NELL1: variants seen among roughly 807,000 people sequenced by gnomAD.
The protein encoded by NELL1 is neural EGFL like 1, also known as protein kinase C-binding protein NELL1.
Under a neutral mutation model 107.4 loss-of-function variants are expected in NELL1, and 76 were observed. The ratio of observed to expected loss-of-function variants is 0.71; its 90% confidence interval spans 0.59 to 0.86. NELL1 has a LOEUF of 0.86. NELL1 is among the 40% of genes least tolerant of loss of function. The pLI, the probability that NELL1 is intolerant of heterozygous loss-of-function variation, is 0.00. For synonymous variants in NELL1, 353 were observed against 341.2 expected (o/e 1.03, Z -0.38); for missense variants, 1,024 against 1,005.5 (o/e 1.02, Z -0.25).
chr11:20,686,091 A>C (rs577169223), intron 2 of NELL1, among the ~76,000 whole-genome samples: 10 of 152,230 alleles, frequency 6.6e-5, no homozygotes, highest in Middle Eastern at 6.8e-3. Context: ...TAAAAAAAAA[A>C]CAGTTCATTA....
intron 12 of NELL1, among the ~76,000 whole-genome samples, chr11:21,088,653 C>G (rs1418153510): frequency 6.6e-6 from 1 of 152,084 alleles, no homozygotes; most frequent in African/African-American, 2.4e-5. Context: ...TTTTTTTTAG[C>G]TGCGAAGTGA....
At chr11:21,456,113 G>A (rs562054850) in intron 15 of NELL1, among the ~76,000 whole-genome samples, 13 of 152,050 alleles carry the variant, frequency 8.5e-5, no homozygotes, top group East Asian at 7.7e-4. Context: ...GTCTGGTCTC[G>A]AACTCCTGGC....
chr11:20,947,750 TATA>T (rs1437142871), intron 11 of NELL1, among the ~76,000 whole-genome samples: 3 of 152,174 alleles, frequency 2.0e-5, no homozygotes, highest in Non-Finnish European at 4.4e-5. Context: ...TGTTAGTTCT[TATA>T]ATAATAACCA....
chr11:20,925,375 G>T (rs1850471824), intron 7 of NELL1, among the ~76,000 whole-genome samples: 1 of 151,776 alleles, frequency 6.6e-6, no homozygotes, highest in Admixed American at 6.6e-5. Flanking sequence ...CTGCCTCCCA[G>T]GTTCAAGAGA....
intron 2 of NELL1, among the ~76,000 whole-genome samples, chr11:20,756,516 ATTTT>A (rs753445309): frequency 1.3e-3 from 131 of 97,320 alleles, no homozygotes; most frequent in African/African-American, 5.0e-3. Flanking sequence ...ATTTTTTGTA[ATTTT>A]TTTTTTTTTT....
intron 13 of NELL1, among the ~76,000 whole-genome samples, chr11:21,137,552 G>A (rs1855771065): frequency 2.6e-5 from 4 of 152,190 alleles, no homozygotes; most frequent in African/African-American, 9.7e-5. Context: ...AATTTGGAGG[G>A]TTTTGGCAGT....
At chr11:20,884,559 G>A (rs1265484925) in intron 4 of NELL1, among the ~76,000 whole-genome samples, 1 of 152,104 alleles carries the variant, frequency 6.6e-6, no homozygotes, top group Admixed American at 6.5e-5. Context: ...TGGTTGCAGG[G>A]ACTATTTCTA....
At chr11:21,189,053 C>T (rs995548194) in intron 13 of NELL1, among the ~76,000 whole-genome samples, 1 of 151,768 alleles carries the variant, frequency 6.6e-6, no homozygotes, top group African/African-American at 2.4e-5. Flanking sequence ...ATGCTTTTAA[C>T]TTTATACAAT....
intron 15 of NELL1, among the ~76,000 whole-genome samples, chr11:21,411,990 AC>A (rs1852389925): frequency 6.6e-6 from 1 of 151,972 alleles, no homozygotes; most frequent in African/African-American, 2.4e-5. Context: ...GGTATCCTAG[AC>A]TTTTGTGTGT....
chr11:20,839,098 T>C (rs1456075829), intron 3 of NELL1, among the ~76,000 whole-genome samples: 2 of 152,212 alleles, frequency 1.3e-5, no homozygotes, highest in African/African-American at 4.8e-5. Flanking sequence ...AATTTTATTT[T>C]TCTATCTTAA....
At chr11:21,129,745 C>T (rs534492587) in intron 13 of NELL1, among the ~76,000 whole-genome samples, 118 of 152,198 alleles carry the variant, frequency 7.8e-4, no homozygotes, top group African/African-American at 2.7e-3. Context: ...GTGGTTGCCA[C>T]AGGCTGGAGC....
intron 14 of NELL1, among the ~76,000 whole-genome samples, chr11:21,248,328 A>C (rs1253201327): frequency 6.6e-6 from 1 of 150,626 alleles, no homozygotes; most frequent in Non-Finnish European, 1.5e-5. Context: ...CCTGAGTGAC[A>C]GTGAGAGCCT....
chr11:21,109,909 C>T (rs1855065495), intron 12 of NELL1, among the ~76,000 whole-genome samples: 2 of 152,084 alleles, frequency 1.3e-5, no homozygotes, highest in Admixed American at 1.3e-4. Context: ...TTGTGTGTTT[C>T]CCTGAGGATG....
At chr11:20,820,903 A>G (rs1246152292) in intron 3 of NELL1, among the ~76,000 whole-genome samples, 1 of 152,128 alleles carries the variant, frequency 6.6e-6, no homozygotes, top group Non-Finnish European at 1.5e-5. Flanking sequence ...ACCTAACAAT[A>G]TATATTTATT....
chr11:20,870,102 A>G (rs955946798), intron 4 of NELL1, among the ~76,000 whole-genome samples: 1 of 152,198 alleles, frequency 6.6e-6, no homozygotes, highest in African/African-American at 2.4e-5. Flanking sequence ...GTTACTGTTC[A>G]TGGCCTCATT....
chr11:21,371,172 A>G (rs1430746309), intron 15 of NELL1, among the ~76,000 whole-genome samples: 1 of 152,076 alleles, frequency 6.6e-6, no homozygotes, highest in Non-Finnish European at 1.5e-5. Context: ...AATTTTAGCA[A>G]GGTCAAGTAT....
chr11:20,696,346 G>C (rs1486905701), intron 2 of NELL1, among the ~76,000 whole-genome samples: 2 of 151,612 alleles, frequency 1.3e-5, no homozygotes, highest in Non-Finnish European at 2.9e-5. Context: ...CTTTTTCTAG[G>C]AGTGAAAAAC....
At chr11:21,082,968 G>A (rs1163703783) in intron 12 of NELL1, among the ~76,000 whole-genome samples, 1 of 152,282 alleles carries the variant, frequency 6.6e-6, no homozygotes, top group East Asian at 1.9e-4. Flanking sequence ...CAGGAAATTG[G>A]ATTAATAAGA....
At chr11:21,143,324 GA>G (rs1855908907) in intron 13 of NELL1, among the ~76,000 whole-genome samples, 1 of 152,122 alleles carries the variant, frequency 6.6e-6, no homozygotes, top group Non-Finnish European at 1.5e-5. Context: ...TAAGCCAAAT[GA>G]ATGAAATTGA....
Sources: allele counts gnomAD v4.1 joint callset (sites outside exome capture counted in the v4.1 genomes callset), GRCh38; gene constraint gnomAD v4.1.1; transcripts MANE v1.5; gene names NCBI Gene and HGNC (gene_info 2026-07-23, HGNC 2026-07-21).